The following CLNK variants were observed in gnomAD, a reference collection of about 807,000 sequenced individuals.
The protein encoded by CLNK is cytokine-dependent hematopoietic cell linker.
Under a neutral mutation model 68.6 loss-of-function variants are expected in CLNK, and 74 were observed. The observed-to-expected ratio is 1.08, with a 90% CI of 0.89 to 1.31. The LOEUF is 1.31. Ranked by LOEUF, CLNK falls within the 50% of genes most tolerant of loss-of-function variation. CLNK has a pLI of 0.00. For missense variants in CLNK, 553 were observed against 515.3 expected, an observed-to-expected ratio of 1.07 and a Z score of -0.71; for synonymous variants, 198 against 172.2, an observed-to-expected ratio of 1.15 and a Z score of -1.17.
chr4:10,638,218 T>C (rs892380043), intron 2 of CLNK, among the ~76,000 whole-genome samples: 2 of 152,204 alleles, frequency 1.3e-5, no homozygotes, highest in Admixed American at 6.5e-5. Flanking sequence ...ACAGCCACTA[T>C]GCTCTACTCA....
chr4:10,548,569 G>T (rs2159245), intron 8 of CLNK, among the ~76,000 whole-genome samples: 1 of 152,098 alleles, frequency 6.6e-6, no homozygotes, highest in South Asian at 2.1e-4. Context: ...TACCCAAAAA[G>T]TCATTGGCAA....
the CLNK span, among the ~76,000 whole-genome samples, chr4:10,705,377 AACAATAC>A: frequency 2.6e-5 from 4 of 152,220 alleles, no homozygotes; most frequent in Admixed American, 6.5e-5. Context: ...TAGTGGCTTA[AACAATAC>A]AGTTTTAAAA....
At chr4:10,708,610 C>T in the CLNK span, among the ~76,000 whole-genome samples, 1 of 152,276 alleles carries the variant, frequency 6.6e-6, no homozygotes, top group Admixed American at 6.5e-5. Flanking sequence ...GAGCAGAGGC[C>T]AGAGGTGAAG....
Position 10,490,371 on chromosome 4 carries a change from A to G in CLNK, c.*96T>C. 1.5e-6 allele frequency: 2 copies of G among 1,315,478 alleles called. No homozygotes were observed. Among genetic ancestry groups the G allele is most frequent in the East Asian group, 2.5e-5 (1 of 40,000 alleles). The allele number at this position is 1,315,478 out of a possible 1,614,324, so 81.5% of individuals were successfully genotyped here. On this transcript the variant is annotated 3_prime_UTR_variant, in exon 19 of 19. Coordinates refer to ENST00000226951, the MANE Select transcript of CLNK (RefSeq NM_052964.4). ...TTTTTCTTTTCTCCAAAGTTAAAAA[A>G]GTTGTCCCTTGAAGGCACAGAAAAT...
the CLNK span, among the ~76,000 whole-genome samples, chr4:10,716,686 C>CTTTTT: frequency 2.3e-5 from 3 of 132,946 alleles, no homozygotes; most frequent in Admixed American, 8.0e-5. Context: ...AGACAGAAAA[C>CTTTTT]TTTTTTTTTT....
chr4:10,560,224 C>T (rs1322556868), intron 7 of CLNK, among the ~76,000 whole-genome samples: 1 of 152,178 alleles, frequency 6.6e-6, no homozygotes, highest in Admixed American at 6.5e-5. Context: ...TGGGTCACTG[C>T]CTCCTCCCTT....
At chr4:10,505,925 C>T (rs943626876) in intron 17 of CLNK, among the ~76,000 whole-genome samples, 8 of 152,216 alleles carry the variant, frequency 5.3e-5, no homozygotes, top group Admixed American at 2.0e-4. Context: ...AATTTTACAA[C>T]ATCAATTCTG....
chr4:10,497,427 A>G (rs1716857078), intron 18 of CLNK, among the ~76,000 whole-genome samples: 1 of 152,198 alleles, frequency 6.6e-6, no homozygotes, highest in African/African-American at 2.4e-5. Flanking sequence ...TAAGGAACGC[A>G]AAGGAGGAGA....
intron 5 of CLNK, among the ~76,000 whole-genome samples, chr4:10,570,142 G>T (rs937784050): frequency 6.6e-6 from 1 of 152,198 alleles, no homozygotes; most frequent in African/African-American, 2.4e-5. Flanking sequence ...TTTGTGCAAA[G>T]GTGCCATTTA....
chr4:10,504,361 T>C (rs1213604644), intron 17 of CLNK, among the ~76,000 whole-genome samples: 1 of 151,900 alleles, frequency 6.6e-6, no homozygotes, highest in Admixed American at 6.6e-5. Flanking sequence ...ACCTCGAGAT[T>C]CGCCCGCCTC....
At chr4:10,545,826 C>T (rs1235987926) in intron 8 of CLNK, among the ~76,000 whole-genome samples, 1 of 152,134 alleles carries the variant, frequency 6.6e-6, no homozygotes, top group African/African-American at 2.4e-5. Flanking sequence ...GCAGAATTAG[C>T]ACCACACAGA....
chr4:10,646,251 T>G lies in CLNK; in HGVS notation c.11+21608A>C, dbSNP rs184717199. Among the ~76,000 whole-genome samples the G allele has an allele frequency of 4.5e-4, 69 of 152,308 alleles. 1 individual carries two copies. In the East Asian group the frequency reaches 0.012, roughly 25 times the overall value. On this transcript the variant is annotated intron_variant, in intron 2 of 18. Coordinates refer to ENST00000226951, the MANE Select transcript of CLNK (RefSeq NM_052964.4). Reference sequence around the variant, plus strand: ...ATTATTATATACCAATTAACAAGTTTGAAAAATTTTCAAATTCTAATTTCA... The same window carrying G: ...ATTATTATATACCAATTAACAAGTTGGAAAAATTTTCAAATTCTAATTTCA...
chr4:10,677,655 C>A (rs1724927781), intron 1 of CLNK, among the ~76,000 whole-genome samples: 1 of 151,986 alleles, frequency 6.6e-6, no homozygotes, highest in African/African-American at 2.4e-5. Flanking sequence ...CTCTTCTTCA[C>A]TCTTCTCTCT....
At chr4:10,518,986 G>A (rs1305701160) in intron 15 of CLNK, among the ~76,000 whole-genome samples, 1 of 152,146 alleles carries the variant, frequency 6.6e-6, no homozygotes, top group Non-Finnish European at 1.5e-5. Flanking sequence ...ACATTGCAGG[G>A]GTGCTTAAGC....
rs537595937 is a variant in CLNK at position 10,557,867 on chromosome 4, C to T, written c.445+540G>A. ...AGCATTGTAAGAGGAGATAGGGGCA[C>T]GGGGGAAAATGATGAGAGAAGCTAT... On this transcript the variant is annotated intron_variant, in intron 8 of 18. Transcript: ENST00000226951. Among the ~76,000 whole-genome samples, 27 of 152,126 alleles carry T rather than the reference C, an allele frequency of 1.8e-4. No individual in the cohort carries two copies. In the South Asian group the frequency reaches 2.1e-3, roughly 12 times the overall value.
chr4:10,672,546 A>C (rs1724689184), intron 1 of CLNK, among the ~76,000 whole-genome samples: 1 of 152,180 alleles, frequency 6.6e-6, no homozygotes, highest in African/African-American at 2.4e-5. Flanking sequence ...AAGTGCCTTA[A>C]AGTGGCACTT....
chr4:10,542,077 T>C, intron 9 of CLNK, 36 bp from the exon 10 acceptor site: 3 of 1,569,254 alleles, frequency 1.9e-6, no homozygotes, highest in African/African-American at 1.4e-5. Flanking sequence ...TTAAGTTTAT[T>C]GTTCTGTGAG....
intron 7 of CLNK, among the ~76,000 whole-genome samples, chr4:10,560,065 G>A (rs1719827563): frequency 6.6e-6 from 1 of 152,190 alleles, no homozygotes; most frequent in South Asian, 2.1e-4. Context: ...AATGAAACAT[G>A]TGCCAGTTGT....
At chr4:10,680,848 G>C (rs1052885067) in intron 1 of CLNK, among the ~76,000 whole-genome samples, 1 of 152,168 alleles carries the variant, frequency 6.6e-6, no homozygotes, top group Non-Finnish European at 1.5e-5. Flanking sequence ...CGACTGGATG[G>C]CGTGGTATAG....
Sources: allele counts gnomAD v4.1 joint callset (sites outside exome capture counted in the v4.1 genomes callset), GRCh38; gene constraint gnomAD v4.1.1; transcripts MANE v1.5; gene names NCBI Gene and HGNC (gene_info 2026-07-23, HGNC 2026-07-21).